The following NCAM2 variants were observed in gnomAD, a reference collection of about 807,000 sequenced individuals.
The protein encoded by NCAM2 is N-CAM-2.
In NCAM2, 30 loss-of-function variants were observed where a neutral mutation model predicts 98.1. That is an observed-to-expected ratio of 0.31 (90% confidence interval 0.23 to 0.41). NCAM2 has a LOEUF of 0.41. Ranked by LOEUF, NCAM2 falls within the 10% of genes least tolerant of loss-of-function variation. NCAM2 has a pLI of 1.00. For synonymous variants in NCAM2, 368 were observed against 342.4 expected (o/e 1.07, Z -0.83); for missense variants, 867 against 1,005.8 (o/e 0.86, Z 1.87).
At chr21:21,081,686 A>G (rs1024335619) in intron 1 of NCAM2, among the ~76,000 whole-genome samples, 3 of 151,892 alleles carry the variant, frequency 2.0e-5, no homozygotes, top group Non-Finnish European at 2.9e-5. Flanking sequence ...CTGTAATCTC[A>G]GTTACTAGGG....
At chr21:21,344,959 A>G (rs1178521258) in intron 8 of NCAM2, among the ~76,000 whole-genome samples, 1 of 152,148 alleles carries the variant, frequency 6.6e-6, no homozygotes, top group Non-Finnish European at 1.5e-5. Flanking sequence ...GGAGAAAGTA[A>G]GGGAAGAGAA....
intron 1 of NCAM2, among the ~76,000 whole-genome samples, chr21:21,209,565 G>A (rs2147072985): frequency 6.6e-6 from 1 of 152,184 alleles, no homozygotes; most frequent in South Asian, 2.1e-4. Context: ...CATGAGGCAG[G>A]ATGGGAAAAG....
intron 1 of NCAM2, among the ~76,000 whole-genome samples, chr21:21,154,950 A>G (rs1448468296): frequency 6.6e-6 from 1 of 151,848 alleles, no homozygotes; most frequent in African/African-American, 2.4e-5. Context: ...TGGTAATGAA[A>G]ATTAAAATTA....
intron 1 of NCAM2, among the ~76,000 whole-genome samples, chr21:21,145,662 A>T (rs1373350650): frequency 1.3e-5 from 2 of 152,218 alleles, no homozygotes; most frequent in African/African-American, 4.8e-5. Context: ...TTGCAAAAGG[A>T]AGCTATGGAT....
intron 1 of NCAM2, among the ~76,000 whole-genome samples, chr21:21,154,160 A>G (rs767396760): frequency 1.3e-5 from 2 of 151,910 alleles, no homozygotes; most frequent in African/African-American, 2.4e-5. Flanking sequence ...AAGTTAGATA[A>G]CATCATAAAG....
intron 3 of NCAM2, among the ~76,000 whole-genome samples, chr21:21,286,006 G>T (rs1474445374): frequency 6.6e-6 from 1 of 151,910 alleles, no homozygotes; most frequent in Non-Finnish European, 1.5e-5. Flanking sequence ...AGAGAGAGGA[G>T]AAATTGAGAT....
At chr21:21,064,417 C>T (rs1447010183) in intron 1 of NCAM2, among the ~76,000 whole-genome samples, 1 of 152,200 alleles carries the variant, frequency 6.6e-6, no homozygotes, top group East Asian at 1.9e-4. Flanking sequence ...ATTTCTCAAT[C>T]ACATAACTCA....
intron 1 of NCAM2, among the ~76,000 whole-genome samples, chr21:21,265,846 C>T (rs923573116): frequency 1.3e-5 from 2 of 152,024 alleles, no homozygotes; most frequent in Admixed American, 1.3e-4. Context: ...AAACCCAAAC[C>T]TCAGCATTAC....
chr21:21,507,788 CAAAAA>C (rs35904478), intron 15 of NCAM2, among the ~76,000 whole-genome samples: 2 of 98,056 alleles, frequency 2.0e-5, no homozygotes, highest in Non-Finnish European at 4.3e-5. Flanking sequence ...GACTCCATCT[CAAAAA>C]AAAAAAAAAA....
chr21:21,090,724 TA>T (rs2065995434), intron 1 of NCAM2, among the ~76,000 whole-genome samples: 1 of 152,126 alleles, frequency 6.6e-6, no homozygotes, highest in Non-Finnish European at 1.5e-5. Context: ...GCACCTCACT[TA>T]GTTGTTCTTT....
intron 1 of NCAM2, among the ~76,000 whole-genome samples, chr21:21,109,431 C>G (rs1489428101): frequency 1.3e-5 from 2 of 152,064 alleles, no homozygotes; most frequent in Non-Finnish European, 2.9e-5. Flanking sequence ...ACTATGTACC[C>G]ACCAAAATCA....
At chr21:21,321,351 A>G (rs535631401) in intron 5 of NCAM2, among the ~76,000 whole-genome samples, 1 of 152,150 alleles carries the variant, frequency 6.6e-6, no homozygotes, top group South Asian at 2.1e-4. Context: ...ATTTTCTCCC[A>G]TTCTGTAGGC....
intron 9 of NCAM2, among the ~76,000 whole-genome samples, chr21:21,384,769 T>C (rs952080050): frequency 1.3e-5 from 2 of 152,022 alleles, no homozygotes; most frequent in Non-Finnish European, 2.9e-5. Context: ...TAGTGAAAGA[T>C]TGATGAATAC....
rs577404989 is a variant in NCAM2 at position 21,542,694 on chromosome 21, A to C, written c.*4737A>C. The stretch of plus-strand genomic sequence containing the variant: ...ATCTAGAAAGGCAAACTGAATTGCT[A>C]TATTTGGAATAGCTAAGAAGGACCT... On this transcript the variant is annotated 3_prime_UTR_variant, in exon 18 of 18. Coordinates refer to ENST00000400546, the MANE Select transcript of NCAM2 (RefSeq NM_004540.5). The C allele has an allele frequency of 6.6e-6, 1 of 151,842 alleles. No individual in the cohort carries two copies. The highest frequency in any genetic ancestry group is 6.6e-5 in the Admixed American group (1 of 15,168). The allele number at this position is 151,842 out of a possible 1,614,324, so 9.4% of individuals were successfully genotyped here. A position where few individuals can be genotyped will look rare whatever the true frequency, so the allele number is the denominator to read the frequency against.
intron 8 of NCAM2, among the ~76,000 whole-genome samples, chr21:21,362,434 A>G (rs2075669836): frequency 1.3e-5 from 2 of 150,252 alleles, no homozygotes; most frequent in South Asian, 4.2e-4. Context: ...TTGCTCTTTC[A>G]CCCAGGCTGA....
At chr21:21,367,225 T>G (rs2075809016) in intron 8 of NCAM2, among the ~76,000 whole-genome samples, 1 of 152,028 alleles carries the variant, frequency 6.6e-6, no homozygotes, top group South Asian at 2.1e-4. Flanking sequence ...CTTGGCTTCT[T>G]TATCTATTGG....
At position 21,338,585 on chromosome 21, in the gene NCAM2, T is replaced by C. The variant is rs758127344; in HGVS notation, c.1044+51T>C. On this transcript the variant is annotated intron_variant, in intron 8 of 17. Coordinates refer to ENST00000400546, the MANE Select transcript of NCAM2 (RefSeq NM_004540.5). ...TTTCCATTACCATGCAATTTCAGTATTTTCAATATCATTAAATCACAAATT... is the reference window on the plus strand; with the variant it reads ...TTTCCATTACCATGCAATTTCAGTACTTTCAATATCATTAAATCACAAATT... 4.8e-6 allele frequency: 7 copies of C among 1,463,380 alleles called. No homozygotes were observed. The African/African-American group carries it at 7.3e-5, about 15-fold the overall frequency. 90.6% of individuals were successfully genotyped at this position (1,463,380 alleles called of 1,614,324 possible). A position where few individuals can be genotyped will look rare whatever the true frequency, so the allele number is the denominator to read the frequency against.
At chr21:21,142,633 C>A (rs1254744886) in intron 1 of NCAM2, among the ~76,000 whole-genome samples, 1 of 152,068 alleles carries the variant, frequency 6.6e-6, no homozygotes, top group African/African-American at 2.4e-5. Context: ...CCCGCCTAGG[C>A]CTCCCAAAGT....
chr21:21,137,466 G>A (rs1273537932), intron 1 of NCAM2, among the ~76,000 whole-genome samples: 1 of 152,106 alleles, frequency 6.6e-6, no homozygotes, highest in African/African-American at 2.4e-5. Context: ...TTGGCCGGGT[G>A]TAGCATTCAA....
Sources: allele counts gnomAD v4.1 joint callset (sites outside exome capture counted in the v4.1 genomes callset), GRCh38; gene constraint gnomAD v4.1.1; transcripts MANE v1.5; gene names NCBI Gene and HGNC (gene_info 2026-07-23, HGNC 2026-07-21).